Variants in POLR2M observed in about 807,000 individuals in gnomAD.
POLR2M encodes the protein RNA polymerase II subunit M.
Under a neutral mutation model 34.6 loss-of-function variants are expected in POLR2M, and 30 were observed. The observed-to-expected ratio is 0.87, with a 90% CI of 0.65 to 1.18. The LOEUF is 1.18. Among genes scored for constraint, POLR2M ranks in the 50% most tolerant of loss-of-function variants. POLR2M has a pLI of 0.00. For synonymous variants in POLR2M, 150 were observed against 166.7 expected (o/e 0.90, Z 0.77); for missense variants, 432 against 448.7 (o/e 0.96, Z 0.34).
At chr15:57,707,253 T>A in intron 1 of POLR2M, 1 of 1,147,728 alleles carries the variant, frequency 8.7e-7, no homozygotes, top group Non-Finnish European at 1.2e-6. Flanking sequence ...TCCATGAGTC[T>A]GCTTTCTAAA....
At chr15:57,714,142 G>A (rs971002867) in intron 3 of POLR2M, among the ~76,000 whole-genome samples, 4 of 151,914 alleles carry the variant, frequency 2.6e-5, no homozygotes, top group Non-Finnish European at 5.9e-5. Context: ...CCACTGCACC[G>A]GGCCCCAGCA....
rs2140846626 is a variant in POLR2M, at chr15:57,715,881, T to G, written c.*1202T>G. ...TTCCTTTCGAAAAAGACTGTTCACA[T>G]TTGCTTCCAGGTGTAATTATTGCTT... On this transcript the variant is annotated 3_prime_UTR_variant, in exon 4 of 4. Coordinates refer to ENST00000299638, the MANE Select transcript of POLR2M (RefSeq NM_015532.5). The G allele has an allele frequency of 6.6e-6, 1 of 152,396 alleles. No homozygotes were observed. Among genetic ancestry groups the G allele is most frequent in the Middle Eastern group, 3.4e-3 (1 of 294 alleles). 9.4% of individuals were successfully genotyped at this position (152,396 alleles called of 1,614,324 possible).
intron 3 of POLR2M, among the ~76,000 whole-genome samples, chr15:57,713,298 AT>A (rs1384663477): frequency 4.6e-5 from 7 of 151,864 alleles, no homozygotes; most frequent in African/African-American, 1.5e-4. Context: ...GAAAAAAACC[AT>A]TTTTCTTTCA....
At chr15:57,708,106 T>TC (rs1415906146) in intron 1 of POLR2M, among the ~76,000 whole-genome samples, 1 of 152,214 alleles carries the variant, frequency 6.6e-6, no homozygotes, top group Non-Finnish European at 1.5e-5. Context: ...GTCTCAGGAC[T>TC]CCGTTATACT....
intron 3 of POLR2M, 77 bp from the exon 4 acceptor site, chr15:57,714,459 C>G: frequency 6.3e-7 from 1 of 1,584,500 alleles, no homozygotes; most frequent in Non-Finnish European, 8.6e-7. Flanking sequence ...ATTGCTGATT[C>G]TAGGTAACTT....
In POLR2M at chr15:57,706,952, A is replaced by G. The variant is rs140993323; in HGVS notation, c.110A>G (p.Asn37Ser). ...AAGCGCCAGGAGAGACTTTTGCGCA[A>G]CGAGTAAGCTGGGGTCCCGCGGAGT... ...MLKRQERLLR[N>S]EKFICKLPDK... The change falls in exon 1 of 4, where the codon AAC (asparagine) becomes AGC (serine). Residue 37 changes from asparagine (N) to serine (S), a missense_variant. By Grantham distance (46) the Asn-to-Ser change is conservative. Coordinates refer to ENST00000299638, the MANE Select transcript of POLR2M (RefSeq NM_015532.5). The G allele has an allele frequency of 1.9e-6, 3 of 1,595,786 alleles. No homozygotes were observed. The highest frequency in any genetic ancestry group is 1.1e-5 in the South Asian group (1 of 87,834).
chr15:57,709,299 A>C lies in POLR2M; in HGVS notation c.699A>C (p.Glu233Asp), dbSNP rs1349208596. 6.2e-7 allele frequency: 1 copy of C among 1,614,176 alleles called. No individual in the cohort carries two copies. ...CTGAGAAGAAACCTCATTACATGGA[A>C]GTGCTAGAAATGCGAGCCAAAAACC... is the stretch of plus-strand genomic sequence containing the variant. ...SGTEKKPHYM[E>D]VLEMRAKNPV... Residue 233 changes from glutamate (E) to aspartate (D), a missense_variant, in exon 2 of 4, where the codon GAA becomes GAC. Glu to Asp is a conservative substitution (Grantham distance 45, BLOSUM62 2). Transcript: ENST00000299638.
rs1307172565 is a variant in POLR2M at position 57,715,114 on chromosome 15, A to T, written c.*435A>T. On this transcript the variant is annotated 3_prime_UTR_variant, in exon 4 of 4. Coordinates refer to ENST00000299638, the MANE Select transcript of POLR2M (RefSeq NM_015532.5). ...AGTTCCCTTCTTTTTTGGGTAATGA[A>T]GGGAGCAGTCTAAAGAATTGTATGC... 1 of 169,606 alleles carries T rather than the reference A, an allele frequency of 5.9e-6. No homozygotes were observed. 10.5% of individuals were successfully genotyped at this position (169,606 alleles called of 1,614,324 possible).
intron 3 of POLR2M, 24 bp from the exon 4 acceptor site, chr15:57,714,512 T>TA (rs1567270913): frequency 3.1e-6 from 5 of 1,611,350 alleles, no homozygotes. Context: ...CGTGTAACTT[T>TA]GTGCTTTGCT....
At position 57,712,022 on chromosome 15, in the gene POLR2M, A is replaced by C; in HGVS notation, c.797A>C (p.Gln266Pro). Reference sequence around the variant, plus strand: ...CAAAATGATTCATCTAGTCATTGCCAGAAGAGTGGGTCTCCTATTTCCTCA... The same window carrying C: ...CAAAATGATTCATCTAGTCATTGCCCGAAGAGTGGGTCTCCTATTTCCTCA... ...FRQNDSSSHC[Q>P]KSGSPISSEE... is the part of the protein sequence containing the mutation. Residue 266 changes from glutamine (Q) to proline (P), a missense_variant, in exon 3 of 4, where the codon CAG becomes CCG. Gln to Pro is a moderately conservative substitution (Grantham distance 76). Coordinates refer to ENST00000299638, the MANE Select transcript of POLR2M (RefSeq NM_015532.5). The C allele has an allele frequency of 1.2e-6, 2 of 1,614,064 alleles. No individual in the cohort carries two copies. Among genetic ancestry groups the C allele is most frequent in the Non-Finnish European group, 8.5e-7 (1 of 1,179,926 alleles).
Position 57,706,795 on chromosome 15 carries a change from C to T in POLR2M, c.-48C>T, listed in dbSNP as rs1393746805. 3 of 1,537,880 alleles carry T rather than the reference C, an allele frequency of 2.0e-6. No individual in the cohort carries two copies. Among genetic ancestry groups the T allele is most frequent in the Non-Finnish European group, 2.6e-6 (3 of 1,137,542 alleles). The stretch of plus-strand genomic sequence containing the variant: ...GATCCGGCGCTAGTAGCGGGGCCTG[C>T]CGAGGAAGCCGAGTGCCCGCCGCCG... On this transcript the variant is annotated 5_prime_UTR_variant, in exon 1 of 4. Coordinates refer to ENST00000299638, the MANE Select transcript of POLR2M (RefSeq NM_015532.5).
At chr15:57,707,603 T>C (rs2040546844) in intron 1 of POLR2M, 1 of 449,276 alleles carries the variant, frequency 2.2e-6, no homozygotes, top group Admixed American at 2.4e-5. Flanking sequence ...GGGAGAACTT[T>C]TAAGCATGGA....
chr15:57,708,622 C>T (rs181014341), intron 1 of POLR2M, 92 bp from the exon 2 acceptor site: 1 of 1,215,402 alleles, frequency 8.2e-7, no homozygotes, highest in East Asian at 2.6e-5. Flanking sequence ...ATCAGCTTTT[C>T]TTTCTTTGAA....
intron 2 of POLR2M, among the ~76,000 whole-genome samples, chr15:57,710,620 A>G (rs1374896068): frequency 1.3e-5 from 2 of 152,252 alleles, no homozygotes; most frequent in Non-Finnish European, 2.9e-5. Context: ...TTAGAAAACT[A>G]GAACCATCAT....
At chr15:57,714,023 A>G (rs959191419) in intron 3 of POLR2M, among the ~76,000 whole-genome samples, 5 of 151,192 alleles carry the variant, frequency 3.3e-5, no homozygotes, top group African/African-American at 1.2e-4. Context: ...AATTTTTTGT[A>G]TATTTAGTAG....
In POLR2M at chr15:57,715,241, A is replaced by G. The variant is rs1288117675; in HGVS notation, c.*562A>G. 6.5e-6 allele frequency: 1 copy of G among 152,860 alleles called. No individual in the cohort carries two copies. The highest frequency in any genetic ancestry group is 1.5e-5 in the Non-Finnish European group (1 of 68,190). 9.5% of individuals were successfully genotyped at this position (152,860 alleles called of 1,614,324 possible). On this transcript the variant is annotated 3_prime_UTR_variant, in exon 4 of 4. Coordinates refer to ENST00000299638, the MANE Select transcript of POLR2M (RefSeq NM_015532.5). ...TCTTCTCCTTTTTCTGTCTTCCCTT[A>G]GGAAGAACGTTATCTCTCTTCTGAT...
rs2040897926 is a variant in POLR2M, at chr15:57,715,283, T to C, written c.*604T>C. 1 of 152,714 alleles carries C rather than the reference T, an allele frequency of 6.5e-6. No individual in the cohort carries two copies. The highest frequency in any genetic ancestry group is 2.4e-5 in the African/African-American group (1 of 41,450). The allele number at this position is 152,714 out of a possible 1,614,324, so 9.5% of individuals were successfully genotyped here. On this transcript the variant is annotated 3_prime_UTR_variant, in exon 4 of 4. Coordinates refer to ENST00000299638, the MANE Select transcript of POLR2M (RefSeq NM_015532.5). ...TCTTCTGATTAGGAAGGACTTCCCT[T>C]TTGAGTAGATGCTGGAAAGTGGAGG...
Position 57,714,854 on chromosome 15 carries a change from A to G in POLR2M, c.*175A>G. 1.9e-6 allele frequency: 2 copies of G among 1,044,618 alleles called. 1 individual carries two copies. The highest frequency in any genetic ancestry group is 3.6e-5 in the South Asian group (2 of 55,540). 64.7% of individuals were successfully genotyped at this position (1,044,618 alleles called of 1,614,324 possible). ...CAGAAGGTGACTTTCATGTGCTTGA[A>G]AAGTTTAATATTTGAATATTGTGTT... On this transcript the variant is annotated 3_prime_UTR_variant, in exon 4 of 4. Transcript: ENST00000299638.
chr15:57,709,446 G>C lies in POLR2M; in HGVS notation c.758+88G>C, dbSNP rs115319758. 3.4e-4 allele frequency: 497 copies of C among 1,468,808 alleles called. 1 individual carries two copies. The African/African-American group carries it at 6.4e-3, about 19-fold the overall frequency. The allele number at this position is 1,468,808 out of a possible 1,614,324, so 91.0% of individuals were successfully genotyped here. A position where few individuals can be genotyped will look rare whatever the true frequency, so the allele number is the denominator to read the frequency against. ...CGAGAAACTGGGTGTGGTGGTGCTT[G>C]CCTGTAGTCCCAGGCTACTCAGGAG... On this transcript the variant is annotated intron_variant, in intron 2 of 3. Transcript: ENST00000299638.
Sources: allele counts gnomAD v4.1 joint callset (sites outside exome capture counted in the v4.1 genomes callset), GRCh38; gene constraint gnomAD v4.1.1; transcripts MANE v1.5; gene names NCBI Gene and HGNC (gene_info 2026-07-23, HGNC 2026-07-21).